The following GCM1 variants were observed in gnomAD, a reference collection of about 807,000 sequenced individuals.
GCM1 encodes the protein chorion-specific transcription factor GCMa.
GCM1 carries 2 observed loss-of-function variants against 25.7 expected under a neutral mutation model. The observed-to-expected ratio is 0.08, with a 90% confidence interval of 0.03 to 0.24. The LOEUF (loss-of-function observed/expected upper bound fraction) is 0.24. GCM1 is among the 10% of genes least tolerant of loss of function. The pLI is 1.00. For missense variants in GCM1, 395 were observed against 538.7 expected, an observed-to-expected ratio of 0.73 and a Z score of 2.64; for synonymous variants, 183 against 195.7, an observed-to-expected ratio of 0.94 and a Z score of 0.54.
At chr6:53,145,052 C>T (rs550064394) in intron 2 of GCM1, among the ~76,000 whole-genome samples, 10 of 150,238 alleles carry the variant, frequency 6.7e-5, no homozygotes, top group Non-Finnish European at 3.0e-5. Context: ...CAAGGCAAGG[C>T]GAAGGAAAGG....
At chr6:53,143,958 C>G (rs1192305271) in intron 2 of GCM1, among the ~76,000 whole-genome samples, 1 of 152,190 alleles carries the variant, frequency 6.6e-6, no homozygotes, top group Non-Finnish European at 1.5e-5. Context: ...TCCCCTGCTT[C>G]TGATAACTCA....
At chr6:53,137,337 C>T (rs1763815603) in intron 2 of GCM1, among the ~76,000 whole-genome samples, 1 of 152,220 alleles carries the variant, frequency 6.6e-6, no homozygotes, top group Non-Finnish European at 1.5e-5. Context: ...CAGCATGCCT[C>T]CTGCTCTCTC....
At chr6:53,131,058 C>G in intron 4 of GCM1, 127 bp from the exon 5 acceptor site, 1 of 840,786 alleles carries the variant, frequency 1.2e-6, no homozygotes, top group Non-Finnish European at 1.9e-6. Flanking sequence ...CTATGGTAAC[C>G]AGACTGGATG....
intron 4 of GCM1, among the ~76,000 whole-genome samples, chr6:53,131,686 C>G (rs1320998574): frequency 6.6e-6 from 1 of 152,178 alleles, no homozygotes; most frequent in Non-Finnish European, 1.5e-5. Flanking sequence ...AGTAAAAAGT[C>G]AGAGCTGGTG....
chr6:53,135,883 C>A (rs954290558), intron 2 of GCM1, among the ~76,000 whole-genome samples: 3 of 152,198 alleles, frequency 2.0e-5, no homozygotes, highest in African/African-American at 7.2e-5. Context: ...AAATTTAGAA[C>A]GTGCCAAAGA....
intron 1 of GCM1, among the ~76,000 whole-genome samples, chr6:53,147,117 C>G (rs147118821): frequency 6.6e-6 from 1 of 151,956 alleles, no homozygotes; most frequent in Non-Finnish European, 1.5e-5. Context: ...TCTTCCCTCA[C>G]GAGAAATAGT....
intron 2 of GCM1, among the ~76,000 whole-genome samples, chr6:53,134,743 G>A (rs1763773251): frequency 6.6e-6 from 1 of 152,202 alleles, no homozygotes; most frequent in African/African-American, 2.4e-5. Flanking sequence ...TGAGGTGGGA[G>A]GATGGCTTGA....
chr6:53,127,898 A>G lies in GCM1; in HGVS notation c.*308T>C, dbSNP rs1158606254. ...AGAAAAATTAGCCAGGCGCAGTGGC[A>G]GGTGCCTGTAATCCCAGCTACTCGG... On this transcript the variant is annotated 3_prime_UTR_variant, in exon 6 of 6. Transcript: ENST00000259803. 1.0e-5 allele frequency: 2 copies of G among 198,736 alleles called. No homozygotes were observed. Among genetic ancestry groups the G allele is most frequent in the East Asian group, 1.3e-4 (1 of 7,638 alleles). 12.3% of individuals were successfully genotyped at this position (198,736 alleles called of 1,614,324 possible). A position where few individuals can be genotyped will look rare whatever the true frequency, so the allele number is the denominator to read the frequency against.
chr6:53,148,071 T>C (rs1443988626), intron 1 of GCM1, among the ~76,000 whole-genome samples: 1 of 152,248 alleles, frequency 6.6e-6, no homozygotes, highest in Non-Finnish European at 1.5e-5. Flanking sequence ...TTTTCAAGAC[T>C]AAATCCTCAT....
At chr6:53,138,042 G>A (rs889512736) in intron 2 of GCM1, among the ~76,000 whole-genome samples, 6 of 152,108 alleles carry the variant, frequency 3.9e-5, no homozygotes, top group Admixed American at 2.0e-4. Flanking sequence ...AGCACTTTGG[G>A]AGGCCAAGGT....
intron 2 of GCM1, among the ~76,000 whole-genome samples, chr6:53,135,604 C>T (rs1158696137): frequency 6.6e-6 from 1 of 152,180 alleles, no homozygotes; most frequent in East Asian, 1.9e-4. Flanking sequence ...GAATGAGAAA[C>T]AGCAAGCAGT....
Position 53,128,051 on chromosome 6 carries a change from A to G in GCM1, c.*155T>C, listed in dbSNP as rs1162557847. 6.0e-6 allele frequency: 2 copies of G among 332,656 alleles called. No homozygotes were observed. The highest frequency in any genetic ancestry group is 5.3e-6 in the Non-Finnish European group (1 of 187,744). 20.6% of individuals were successfully genotyped at this position (332,656 alleles called of 1,614,324 possible). ...CTCAAAAAAAAAAAAAAAAAAAAAA[A>G]AAGAAGGAAAAAAGAAAAAGAAAAA... On this transcript the variant is annotated 3_prime_UTR_variant, in exon 6 of 6. Coordinates refer to ENST00000259803, the MANE Select transcript of GCM1 (RefSeq NM_003643.4).
intron 5 of GCM1, 73 bp downstream of exon 5, chr6:53,130,730 C>G (rs1189806494): frequency 6.8e-6 from 9 of 1,323,712 alleles, no homozygotes; most frequent in Non-Finnish European, 9.4e-6. Flanking sequence ...GCAAGGGACC[C>G]AGGAAATCTA....
chr6:53,144,032 G>A (rs1278175505), intron 2 of GCM1, among the ~76,000 whole-genome samples: 2 of 152,180 alleles, frequency 1.3e-5, no homozygotes, highest in African/African-American at 4.8e-5. Context: ...TACTGGTGGT[G>A]TCCAGTCCTA....
chr6:53,144,984 A>AAG (rs57710769), intron 2 of GCM1, among the ~76,000 whole-genome samples: 27,547 of 148,128 alleles, frequency 0.19, 3,264 homozygotes, highest in African/African-American at 0.32. Context: ...AATGAAAAGA[A>AAG]AGAGAGAGAG....
At chr6:53,136,199 A>G (rs1763797971) in intron 2 of GCM1, among the ~76,000 whole-genome samples, 1 of 152,238 alleles carries the variant, frequency 6.6e-6, no homozygotes, top group Non-Finnish European at 1.5e-5. Context: ...TTTTGTAAAT[A>G]AAGTTTTATA....
chr6:53,140,017 G>T (rs1463478734), intron 2 of GCM1, among the ~76,000 whole-genome samples: 1 of 152,108 alleles, frequency 6.6e-6, no homozygotes, highest in Non-Finnish European at 1.5e-5. Context: ...GGGACCTGCT[G>T]CAGGGTACCA....
At chr6:53,131,111 C>T (rs1366504751) in intron 4 of GCM1, among the ~76,000 whole-genome samples, 180 bp from the exon 5 acceptor site, 1 of 152,220 alleles carries the variant, frequency 6.6e-6, no homozygotes, top group Non-Finnish European at 1.5e-5. Context: ...TCCTGCCTGC[C>T]TGCCTCTCAC....
At chr6:53,132,835 C>T (rs1019099199) in intron 3 of GCM1, among the ~76,000 whole-genome samples, 6 of 152,296 alleles carry the variant, frequency 3.9e-5, no homozygotes, top group Middle Eastern at 3.4e-3. Flanking sequence ...GATACCAGGT[C>T]CTGACCTAAG....
Sources: gnomAD v4.1 joint callset for allele counts (sites outside exome capture counted in the v4.1 genomes callset) on GRCh38, gnomAD v4.1.1 for gene constraint, MANE v1.5 for transcripts, NCBI Gene and HGNC (gene_info 2026-07-23, HGNC 2026-07-21) for gene names.